The following LRRTM4 variants were observed in gnomAD, a reference collection of about 807,000 sequenced individuals.
The protein encoded by LRRTM4 is leucine rich repeat transmembrane neuronal 4.
Under a neutral mutation model 47.6 loss-of-function variants are expected in LRRTM4, and 25 were observed. The ratio of observed to expected loss-of-function variants is 0.53; its 90% CI spans 0.38 to 0.73. The LOEUF is 0.73. Among genes scored for constraint, LRRTM4 ranks in the 30% least tolerant of loss-of-function variants. The probability of loss-of-function intolerance (pLI) is 0.00; values close to 1 mark genes in which losing one functional copy is unlikely to be tolerated. For missense variants in LRRTM4, 638 were observed against 713.4 expected (o/e 0.89, Z 1.20); for synonymous variants, 311 against 269.5 (o/e 1.15, Z -1.51).
At chr2:77,059,190 T>A (rs1312770470) in intron 3 of LRRTM4, among the ~76,000 whole-genome samples, 1 of 152,202 alleles carries the variant, frequency 6.6e-6, no homozygotes, top group African/African-American at 2.4e-5. Context: ...GGAACTATAC[T>A]AACAACCTGA....
chr2:77,121,441 A>T (rs1671519126), intron 3 of LRRTM4, among the ~76,000 whole-genome samples: 1 of 151,858 alleles, frequency 6.6e-6, no homozygotes, highest in African/African-American at 2.4e-5. Flanking sequence ...TTAAGATAAG[A>T]CATATTAATT....
intron 3 of LRRTM4, among the ~76,000 whole-genome samples, chr2:76,970,050 C>A (rs2103937274): frequency 6.6e-6 from 1 of 151,978 alleles, no homozygotes; most frequent in South Asian, 2.1e-4. Flanking sequence ...AAATTGAAAC[C>A]CACAGAGTTA....
At chr2:77,370,774 G>A (rs1337274610) in intron 3 of LRRTM4, among the ~76,000 whole-genome samples, 1 of 151,648 alleles carries the variant, frequency 6.6e-6, no homozygotes, top group African/African-American at 2.4e-5. Context: ...CGTGTCAGAG[G>A]ATTTATTATT....
chr2:77,181,544 T>A (rs1356244932), intron 3 of LRRTM4, among the ~76,000 whole-genome samples: 1 of 152,056 alleles, frequency 6.6e-6, no homozygotes, highest in African/African-American at 2.4e-5. Context: ...ATACAAGATT[T>A]TAGGTATAAA....
At chr2:76,937,420 G>T (rs1446204595) in intron 3 of LRRTM4, among the ~76,000 whole-genome samples, 1 of 152,186 alleles carries the variant, frequency 6.6e-6, no homozygotes. Flanking sequence ...ACCAGAATCA[G>T]TCTGGTCATC....
chr2:76,879,685 A>G (rs185503845), intron 3 of LRRTM4, among the ~76,000 whole-genome samples: 2 of 152,344 alleles, frequency 1.3e-5, no homozygotes, highest in East Asian at 1.9e-4. Context: ...CTTAAGAAAT[A>G]TATTTTGTAA....
intron 3 of LRRTM4, among the ~76,000 whole-genome samples, chr2:77,490,633 A>AAAAC (rs397985068): frequency 1.3e-5 from 2 of 151,924 alleles, no homozygotes; most frequent in African/African-American, 4.8e-5. Context: ...ATAAAAAAAA[A>AAAAC]CAGCAGTCTA....
At chr2:77,185,062 T>A (rs1334174547) in intron 3 of LRRTM4, among the ~76,000 whole-genome samples, 1 of 152,170 alleles carries the variant, frequency 6.6e-6, no homozygotes, top group Non-Finnish European at 1.5e-5. Context: ...TTAATACTTC[T>A]GGCCTTTACC....
At chr2:76,989,229 GA>G (rs1676917356) in intron 3 of LRRTM4, among the ~76,000 whole-genome samples, 1 of 151,744 alleles carries the variant, frequency 6.6e-6, no homozygotes, top group Non-Finnish European at 1.5e-5. Context: ...CAGGTAGATT[GA>G]AAATTTAATA....
intron 3 of LRRTM4, among the ~76,000 whole-genome samples, chr2:77,191,537 A>T (rs1039759855): frequency 6.6e-6 from 1 of 151,894 alleles, no homozygotes; most frequent in Non-Finnish European, 1.5e-5. Context: ...CTTAGGATAA[A>T]AGTCACTAAT....
At chr2:77,213,055 A>C (rs993791236) in intron 3 of LRRTM4, among the ~76,000 whole-genome samples, 1 of 152,144 alleles carries the variant, frequency 6.6e-6, no homozygotes, top group Admixed American at 6.5e-5. Flanking sequence ...TTCTATTCAA[A>C]GTTAAGTTAA....
At position 76,904,853 on chromosome 2, in the gene LRRTM4, C is replaced by G. The variant is rs538792977; in HGVS notation, c.1552-155937G>C. ...AAAATAACATGAGCTATTCACTTGTCAAAAGTGTTTTGAAAAGGCATCATT... is the reference window on the plus strand; with the variant it reads ...AAAATAACATGAGCTATTCACTTGTGAAAAGTGTTTTGAAAAGGCATCATT... On this transcript the variant is annotated intron_variant, in intron 3 of 3. Transcript: ENST00000409884. Among the ~76,000 whole-genome samples the G allele has an allele frequency of 7.2e-5, 11 of 152,212 alleles. No individual in the cohort carries two copies. In the South Asian group the frequency reaches 1.9e-3, roughly 26 times the overall value.
chr2:77,488,856 A>G (rs532245402), intron 3 of LRRTM4, among the ~76,000 whole-genome samples: 42 of 152,026 alleles, frequency 2.8e-4, no homozygotes, highest in Non-Finnish European at 4.7e-4. Flanking sequence ...ATAATCCATT[A>G]ACAACTTGTG....
At chr2:76,835,613 C>T (rs1315962348) in intron 3 of LRRTM4, among the ~76,000 whole-genome samples, 1 of 151,980 alleles carries the variant, frequency 6.6e-6, no homozygotes, top group East Asian at 1.9e-4. Flanking sequence ...GAATTGGTCT[C>T]AAATTATGGG....
chr2:77,362,129 G>C (rs1672246212), intron 3 of LRRTM4, among the ~76,000 whole-genome samples: 1 of 127,582 alleles, frequency 7.8e-6, no homozygotes, highest in African/African-American at 2.7e-5. Context: ...AAGAAAGAAA[G>C]AAAGAAAGAA....
intron 3 of LRRTM4, among the ~76,000 whole-genome samples, chr2:77,228,311 T>A (rs1674869598): frequency 6.6e-6 from 1 of 152,124 alleles, no homozygotes; most frequent in Non-Finnish European, 1.5e-5. Context: ...GCCCAGCTCA[T>A]CCCTTCTCTC....
intron 3 of LRRTM4, among the ~76,000 whole-genome samples, chr2:76,794,621 TTTTATC>T (rs1675166914): frequency 2.0e-5 from 3 of 152,196 alleles, no homozygotes; most frequent in Admixed American, 2.0e-4. Flanking sequence ...AAAGCAATAA[TTTTATC>T]TGTTTTCCTA....
chr2:76,968,016 TA>T (rs1313275361), intron 3 of LRRTM4, among the ~76,000 whole-genome samples: 35 of 150,402 alleles, frequency 2.3e-4, no homozygotes, highest in Non-Finnish European at 3.8e-4. Flanking sequence ...CTCATTTTAT[TA>T]AAAAGGCAAA....
intron 3 of LRRTM4, among the ~76,000 whole-genome samples, chr2:77,064,918 C>T (rs2103810322): frequency 6.6e-6 from 1 of 152,260 alleles, no homozygotes; most frequent in East Asian, 1.9e-4. Flanking sequence ...ACATCTCCTA[C>T]ATTCTGGAGC....
Sources: gnomAD v4.1 joint callset for allele counts (sites outside exome capture counted in the v4.1 genomes callset) on GRCh38, gnomAD v4.1.1 for gene constraint, MANE v1.5 for transcripts, NCBI Gene and HGNC (gene_info 2026-07-23, HGNC 2026-07-21) for gene names.